Variants in ARSH observed in about 807,000 individuals in gnomAD.
ARSH encodes the protein arylsulfatase H.
Under a neutral mutation model 28.7 loss-of-function variants are expected in ARSH, and 32 were observed. That is an observed-to-expected ratio of 1.11 (90% confidence interval 0.84 to 1.50). ARSH has a LOEUF of 1.50. ARSH is among the 40% of genes most tolerant of loss of function. The probability of loss-of-function intolerance (pLI) is 0.00; values close to 1 mark genes in which losing one functional copy is unlikely to be tolerated. For missense variants in ARSH, 440 were observed against 452.4 expected, an observed-to-expected ratio of 0.97 and a Z score of 0.25; for synonymous variants, 176 against 177.3, an observed-to-expected ratio of 0.99 and a Z score of 0.06.
At chrX:3,010,249 C>G (rs980402358) in intron 2 of ARSH, 98 bp downstream of exon 2, 1 of 1,037,147 alleles carries the variant, frequency 9.6e-7, no homozygotes, top group Non-Finnish European at 1.3e-6. Flanking sequence ...AAAGGTCACT[C>G]AGAGTATTAG....
At chrX:3,032,685 C>T (rs776620663) in intron 8 of ARSH, among the ~76,000 whole-genome samples, 1 of 112,069 alleles carries the variant, frequency 8.9e-6, no homozygotes, top group Admixed American at 9.5e-5. Flanking sequence ...GTGAAAGTGG[C>T]ATTTAGCCTT....
intron 6 of ARSH, 86 bp downstream of exon 6, chrX:3,024,241 G>A: frequency 1.1e-6 from 1 of 933,425 alleles, no homozygotes. Context: ...CATTTGCCAT[G>A]ATGTTCAGAT....
In ARSH at chrX:3,028,052, G is replaced by A. The variant is rs912698904; in HGVS notation, c.1199+577G>A. Among the ~76,000 whole-genome samples, 9 of 110,908 alleles carry A rather than the reference G, an allele frequency of 8.1e-5. No homozygotes were observed. The South Asian group carries it at 2.3e-3, about 29-fold the overall frequency. On this transcript the variant is annotated intron_variant, in intron 7 of 8. Coordinates refer to ENST00000381130, the MANE Select transcript of ARSH (RefSeq NM_001011719.2). ...CAGGAGGTAGAGATTGCAGTGAGCC[G>A]AGATCTCGTCACTGCACTCCAGCCT...
chrX:3,015,313 C>T lies in ARSH; in HGVS notation c.684C>T (p.Asn228=). ...GTTGGAATTGCATCCTTATGAGGAACCATGAAATTATCCAGCAGCCAATGA... is the reference window on the plus strand; with the variant it reads ...GTTGGAATTGCATCCTTATGAGGAATCATGAAATTATCCAGCAGCCAATGA... ...TRRWNCILMR[N]HEIIQQPMKE... The change falls in exon 4 of 9, where the codon AAC becomes AAT. Residue 228 remains asparagine, a synonymous_variant. Coordinates refer to ENST00000381130, the MANE Select transcript of ARSH (RefSeq NM_001011719.2). The T allele has an allele frequency of 1.7e-6, 2 of 1,211,516 alleles. No homozygotes were observed. The highest frequency in any genetic ancestry group is 1.7e-5 in the African/African-American group (1 of 57,782).
At position 3,013,042 on chromosome X, in the gene ARSH, T is replaced by C; in HGVS notation, c.215-5T>C. ...GTGCTAACTTATTGACTTCTGTGAATTTAGGGATGGTGTCTGCCTACAACC... is the reference window on the plus strand; with the variant it reads ...GTGCTAACTTATTGACTTCTGTGAACTTAGGGATGGTGTCTGCCTACAACC... On this transcript the variant is annotated splice_region_variant and splice_polypyrimidine_tract_variant and intron_variant, in intron 2 of 8. Transcript: ENST00000381130. The C allele has an allele frequency of 8.3e-7, 1 of 1,208,046 alleles. No individual in the cohort carries two copies.
rs2089855485 is a variant in ARSH at position 3,013,116 on chromosome X, A to G, written c.284A>G (p.Asn95Ser). ...WLGGSGGLPT[N>S]ETTFAKLLQH... ...GGTGGGTCAGGTGGTCTTCCCACCA[A>G]TGAAACGACTTTTGCCAAGCTGCTG... The change falls in exon 3 of 9, where the codon AAT becomes AGT. Residue 95 changes from asparagine to serine, a missense_variant. Transcript: ENST00000381130. 1.7e-6 allele frequency: 2 copies of G among 1,209,376 alleles called. No homozygotes were observed. Among genetic ancestry groups the G allele is most frequent in the African/African-American group, 1.8e-5 (1 of 57,088 alleles).
At chrX:3,019,062 C>G (rs953323127) in intron 5 of ARSH, among the ~76,000 whole-genome samples, 1 of 110,663 alleles carries the variant, frequency 9.0e-6, no homozygotes, top group South Asian at 3.9e-4. Context: ...GTCAGGAGTT[C>G]TAGACCAGCC....
chrX:3,010,449 T>C (rs2089843559), intron 2 of ARSH, among the ~76,000 whole-genome samples: 2 of 111,780 alleles, frequency 1.8e-5, no homozygotes, highest in Admixed American at 1.9e-4. Flanking sequence ...AAGAGACCCC[T>C]GATGTCTTTA....
chrX:3,029,248 GTGAT>G lies in ARSH; in HGVS notation c.1205_1208del (p.Ile402ThrfsTer5), dbSNP rs1603463604. On this transcript the variant is annotated frameshift_variant and splice_region_variant, in exon 8 of 9. Transcript: ENST00000381130. LOFTEE classifies it high-confidence loss of function. The stretch of plus-strand genomic sequence containing the variant: ...CTACACACCCCCTTCTCTCCCAAGA[GTGAT>G]TGACGGCCAGAACCTAATGCCCCTG... 2.5e-6 allele frequency: 3 copies of G among 1,207,444 alleles called. No individual in the cohort carries two copies. The highest frequency in any genetic ancestry group is 2.2e-6 in the Non-Finnish European group (2 of 894,456).
chrX:3,015,043 C>T lies in ARSH; in HGVS notation c.414C>T (p.His138=). Residue 138 remains histidine, a synonymous_variant, in exon 4 of 9, where the codon CAC becomes CAT. Coordinates refer to ENST00000381130, the MANE Select transcript of ARSH (RefSeq NM_001011719.2). ...HCYHPLNHGF[H]YFYGVPFGLL... is the part of the protein sequence containing the mutation. ...ACCACCCGCTCAACCATGGTTTTCA[C>T]TACTTTTACGGGGTGCCTTTTGGAC... is the stretch of plus-strand genomic sequence containing the variant. 1.7e-6 allele frequency: 2 copies of T among 1,211,407 alleles called. No homozygotes were observed. The highest frequency in any genetic ancestry group is 1.8e-5 in the South Asian group (1 of 56,871).
At chrX:3,031,501 T>C (rs974929981) in intron 8 of ARSH, among the ~76,000 whole-genome samples, 2 of 112,000 alleles carry the variant, frequency 1.8e-5, no homozygotes, top group South Asian at 7.5e-4. Context: ...TTGCATGAAA[T>C]TCCAGAATTC....
At chrX:3,018,739 T>C in intron 5 of ARSH, 69 bp downstream of exon 5, 9 of 1,106,760 alleles carry the variant, frequency 8.1e-6, no homozygotes, top group Non-Finnish European at 1.1e-5. Context: ...CTGTACTAAC[T>C]GTCTCAAATT....
intron 1 of ARSH, among the ~76,000 whole-genome samples, chrX:3,007,790 G>C (rs1156382017): frequency 4.5e-5 from 5 of 109,937 alleles, no homozygotes; most frequent in Non-Finnish European, 9.5e-5. Flanking sequence ...GGAAGTCTGA[G>C]ATCAAGGTGT....
rs746495609 is a variant in ARSH, at chrX:3,033,048, C to T, written c.1352C>T (p.Thr451Ile). The change falls in exon 9 of 9, where the codon ACT (threonine) becomes ATT (isoleucine). Residue 451 changes from threonine to isoleucine, a missense_variant. Transcript: ENST00000381130. ...CATVWKAHYV[T>I]PKFYPEGTGA... The stretch of plus-strand genomic sequence containing the variant: ...ACTGTGTGGAAAGCTCATTATGTGA[C>T]TCCTAAATTCTACCCTGAAGGAACA... The T allele has an allele frequency of 1.7e-5, 20 of 1,210,335 alleles. No individual in the cohort carries two copies. The highest frequency in any genetic ancestry group is 2.2e-5 in the Non-Finnish European group (20 of 894,805).
intron 1 of ARSH, among the ~76,000 whole-genome samples, chrX:3,008,736 GTTTTGTTTTTT>G (rs1013774462): frequency 6.3e-5 from 2 of 31,510 alleles, no homozygotes; most frequent in Admixed American, 3.1e-4. Context: ...TTTTTCTTTT[GTTTTGTTTTTT>G]TTTTGTTTTT....
Position 3,033,368 on chromosome X carries a change from C to G in ARSH, c.1672C>G (p.Leu558Val). 11 of 1,201,919 alleles carry G rather than the reference C, an allele frequency of 9.2e-6. No homozygotes were observed. The highest frequency in any genetic ancestry group is 1.2e-5 in the Non-Finnish European group (11 of 890,881). ...TGGGTGTGACAAGGAAGATGACATC[C>G]TTCCCATGGCTCCCTGAGACCATGC... ...FCGCDKEDDI[L>V]PMAP The change falls in exon 9 of 9, where the codon CTT (leucine) becomes GTT (valine). Residue 558 changes from leucine to valine, a missense_variant. By Grantham distance (32) the Leu-to-Val change is conservative. Coordinates refer to ENST00000381130, the MANE Select transcript of ARSH (RefSeq NM_001011719.2).
intron 2 of ARSH, among the ~76,000 whole-genome samples, chrX:3,012,619 TATAC>T (rs1335462368): frequency 0.011 from 167 of 14,835 alleles, 10 homozygotes; most frequent in African/African-American, 0.044. Flanking sequence ...TGTATGTGTA[TATAC>T]ACACACACAC....
chrX:3,009,593 G>T lies in ARSH; in HGVS notation c.93-437G>T, dbSNP rs766445902. Among the ~76,000 whole-genome samples the T allele has an allele frequency of 2.7e-5, 3 of 111,112 alleles. No homozygotes were observed. The South Asian group carries it at 1.2e-3, about 43-fold the overall frequency. ...ATCACTTGAGCCCAGGGAATTTAAG[G>T]TTGCAGTGAGCTATAACTGCACCAC... On this transcript the variant is annotated intron_variant, in intron 1 of 8. Coordinates refer to ENST00000381130, the MANE Select transcript of ARSH (RefSeq NM_001011719.2).
intron 5 of ARSH, among the ~76,000 whole-genome samples, chrX:3,020,199 G>A (rs1246540968): frequency 9.7e-6 from 1 of 102,773 alleles, no homozygotes; most frequent in African/African-American, 3.6e-5. Flanking sequence ...GGCTGAGGTG[G>A]GTGGATCACT....
Sources: gnomAD v4.1 joint callset for allele counts (sites outside exome capture counted in the v4.1 genomes callset) on GRCh38, gnomAD v4.1.1 for gene constraint, MANE v1.5 for transcripts, NCBI Gene and HGNC (gene_info 2026-07-23, HGNC 2026-07-21) for gene names.